FGGY: variants seen among roughly 807,000 people sequenced by gnomAD.
FGGY encodes FGGY carbohydrate kinase domain containing.
A neutral mutation model predicts 71.3 loss-of-function variants in FGGY; 72 were observed. That is an observed-to-expected ratio of 1.01 (90% CI 0.84 to 1.23). FGGY has a LOEUF of 1.23. FGGY is among the 50% of genes most tolerant of loss of function. The probability of loss-of-function intolerance (pLI) is 0.00; values close to 1 mark genes in which losing one functional copy is unlikely to be tolerated. For synonymous variants in FGGY, 251 were observed against 250.3 expected (o/e 1.00, Z -0.02); for missense variants, 668 against 682.3 (o/e 0.98, Z 0.23).
intron 9 of FGGY, among the ~76,000 whole-genome samples, chr1:59,622,692 A>G (rs555179275): frequency 1.3e-5 from 2 of 152,192 alleles, no homozygotes; most frequent in African/African-American, 2.4e-5. Flanking sequence ...CTTCCTAGCT[A>G]CTATGGTTGC....
intron 6 of FGGY, among the ~76,000 whole-genome samples, chr1:59,497,290 T>TA (rs1312842307): frequency 6.6e-6 from 1 of 152,044 alleles, no homozygotes. Flanking sequence ...AATAATTGCT[T>TA]AAAAAAACAG....
intron 11 of FGGY, among the ~76,000 whole-genome samples, chr1:59,652,113 G>A (rs1054387419): frequency 3.8e-4 from 58 of 152,250 alleles, no homozygotes; most frequent in Admixed American, 7.2e-4. Flanking sequence ...GGTTTCTGCC[G>A]AGAGATCAGC....
chr1:59,472,223 C>T lies in FGGY; in HGVS notation c.670+15147C>T, dbSNP rs28510730. Reference sequence around the variant, plus strand: ...GGCTCGGCGGACCCCGCACTTGGAGCGGTCGGCCGGCTCCACCGGCCCAGG... The same window carrying T: ...GGCTCGGCGGACCCCGCACTTGGAGTGGTCGGCCGGCTCCACCGGCCCAGG... On this transcript the variant is annotated intron_variant, in intron 6 of 15. Transcript: ENST00000303721. Among the ~76,000 whole-genome samples the T allele has an allele frequency of 6.1e-3, 935 of 152,214 alleles. 12 individuals are homozygous for T. Among genetic ancestry groups the T allele is most frequent in the African/African-American group, 0.022 (903 of 41,532 alleles).
intron 6 of FGGY, among the ~76,000 whole-genome samples, chr1:59,483,792 T>C (rs2093577233): frequency 6.6e-6 from 1 of 152,156 alleles, no homozygotes; most frequent in Non-Finnish European, 1.5e-5. Flanking sequence ...CTCACTGTTA[T>C]TCCAACTTCA....
rs545644094 is a variant in FGGY at position 59,596,962 on chromosome 1, A to C, written c.904-10841A>C. ...TTGTTATAGAGAAGATGGAAGGGTTAAATTCCTTCACCCTCATCACTTCCA... is the reference window on the plus strand; with the variant it reads ...TTGTTATAGAGAAGATGGAAGGGTTCAATTCCTTCACCCTCATCACTTCCA... On this transcript the variant is annotated intron_variant, in intron 8 of 15. Transcript: ENST00000303721. 1.7e-4 allele frequency among the ~76,000 whole-genome samples: 26 copies of C among 152,188 alleles called. No homozygotes were observed. In the South Asian group the frequency reaches 5.0e-3, roughly 29 times the overall value.
intron 6 of FGGY, among the ~76,000 whole-genome samples, chr1:59,468,697 C>G (rs570123075): frequency 1.3e-5 from 2 of 151,774 alleles, no homozygotes; most frequent in Non-Finnish European, 2.9e-5. Flanking sequence ...ATGGTGAAAC[C>G]CTGTCTTTAT....
At chr1:59,309,538 T>C (rs2043936078) in intron 1 of FGGY, among the ~76,000 whole-genome samples, 1 of 152,196 alleles carries the variant, frequency 6.6e-6, no homozygotes, top group African/African-American at 2.4e-5. Context: ...GGGCTTTATT[T>C]TGGGCAGAAG....
At chr1:59,369,788 A>T (rs2057274056) in intron 4 of FGGY, among the ~76,000 whole-genome samples, 2 of 152,344 alleles carry the variant, frequency 1.3e-5, no homozygotes, top group South Asian at 4.2e-4. Context: ...ACCGCTGCTG[A>T]TACCCAGGCA....
intron 6 of FGGY, among the ~76,000 whole-genome samples, chr1:59,493,040 TA>T (rs530026457): frequency 1.8e-4 from 28 of 151,570 alleles, no homozygotes; most frequent in African/African-American, 6.8e-4. Flanking sequence ...TTGTATATTT[TA>T]AAAAAATACC....
In FGGY at chr1:59,375,226, C is replaced by G. The variant is rs1159254722; in HGVS notation, c.466-3523C>G. 2.8e-5 allele frequency among the ~76,000 whole-genome samples: 4 copies of G among 145,172 alleles called. No homozygotes were observed. In the South Asian group the frequency reaches 6.7e-4, roughly 24 times the overall value. ...AGTGAGCTGAGATCGCACCACTACA[C>G]TCCAGCCTGGCGATAGAGTGAGACT... On this transcript the variant is annotated intron_variant, in intron 4 of 15. Coordinates refer to ENST00000303721, the MANE Select transcript of FGGY (RefSeq NM_018291.5).
chr1:59,405,398 A>C (rs2062585650), intron 5 of FGGY, among the ~76,000 whole-genome samples: 1 of 152,198 alleles, frequency 6.6e-6, no homozygotes, highest in Non-Finnish European at 1.5e-5. Flanking sequence ...AAGTTGAAGA[A>C]TCTCACAAAT....
chr1:59,530,795 G>T (rs944281743), intron 7 of FGGY, among the ~76,000 whole-genome samples: 1 of 152,150 alleles, frequency 6.6e-6, no homozygotes, highest in African/African-American at 2.4e-5. Flanking sequence ...AAATAGAAGT[G>T]TGAGAGATAT....
At chr1:59,303,754 C>G (rs1284288710) in intron 1 of FGGY, among the ~76,000 whole-genome samples, 1 of 152,026 alleles carries the variant, frequency 6.6e-6, no homozygotes, top group African/African-American at 2.4e-5. Context: ...ATATTCTCAT[C>G]AATACTTATT....
chr1:59,672,769 A>G (rs2097393551), intron 13 of FGGY, among the ~76,000 whole-genome samples: 1 of 152,196 alleles, frequency 6.6e-6, no homozygotes, highest in Non-Finnish European at 1.5e-5. Context: ...AATAACTCTT[A>G]TGGCTTGAGT....
At chr1:59,301,817 G>A (rs564341846) in intron 1 of FGGY, among the ~76,000 whole-genome samples, 2 of 145,840 alleles carry the variant, frequency 1.4e-5, no homozygotes, top group South Asian at 4.4e-4. Flanking sequence ...AGGTTCAAGC[G>A]ATTCTCCTGC....
chr1:59,350,030 T>C lies in FGGY; in HGVS notation c.465+3632T>C, dbSNP rs144340374. The stretch of plus-strand genomic sequence containing the variant: ...CCACTTTTGGGGAATCAGGGAATGG[T>C]ACCTTTGTTTTTAATGCTATGATGG... On this transcript the variant is annotated intron_variant, in intron 4 of 15. Coordinates refer to ENST00000303721, the MANE Select transcript of FGGY (RefSeq NM_018291.5). 2.0e-4 allele frequency among the ~76,000 whole-genome samples: 31 copies of C among 152,234 alleles called. No homozygotes were observed. The East Asian group carries it at 6.0e-3, about 29-fold the overall frequency.
chr1:59,615,799 A>T (rs1300573911), intron 9 of FGGY, among the ~76,000 whole-genome samples: 1 of 152,224 alleles, frequency 6.6e-6, no homozygotes, highest in Non-Finnish European at 1.5e-5. Flanking sequence ...CAAATTCACA[A>T]GAATAAAAGA....
At chr1:59,685,244 T>G (rs1428739233) in intron 14 of FGGY, among the ~76,000 whole-genome samples, 1 of 151,976 alleles carries the variant, frequency 6.6e-6, no homozygotes, top group Non-Finnish European at 1.5e-5. Flanking sequence ...TTCCTTCTGC[T>G]TGAGGGAATG....
chr1:59,303,415 G>A (rs1176080752), intron 1 of FGGY, among the ~76,000 whole-genome samples: 7 of 152,048 alleles, frequency 4.6e-5, no homozygotes, highest in Admixed American at 1.3e-4. Context: ...AAGTTCATCC[G>A]TATTGTGGCA....
Sources: allele counts gnomAD v4.1 joint callset (sites outside exome capture counted in the v4.1 genomes callset), GRCh38; gene constraint gnomAD v4.1.1; transcripts MANE v1.5; gene names NCBI Gene and HGNC (gene_info 2026-07-23, HGNC 2026-07-21).